The following TMEM87B variants were observed in gnomAD, a reference collection of about 807,000 sequenced individuals.
TMEM87B encodes the protein transmembrane protein 87B.
Under a neutral mutation model 80.3 loss-of-function variants are expected in TMEM87B, and 83 were observed. That is an observed-to-expected ratio of 1.03 (90% CI 0.87 to 1.24). The LOEUF (loss-of-function observed/expected upper bound fraction) is 1.24. TMEM87B is among the 50% of genes most tolerant of loss of function. TMEM87B has a pLI of 0.00. For missense variants in TMEM87B, 625 were observed against 674.4 expected, an observed-to-expected ratio of 0.93 and a Z score of 0.81; for synonymous variants, 219 against 230.5, an observed-to-expected ratio of 0.95 and a Z score of 0.45.
In TMEM87B at chr2:112,081,464, G is replaced by GA. The variant is rs1321207151; in HGVS notation, c.789dup (p.Ala264SerfsTer5). On this transcript the variant is annotated frameshift_variant, in exon 8 of 19. Coordinates refer to ENST00000283206, the MANE Select transcript of TMEM87B (RefSeq NM_032824.3). LOFTEE classifies it high-confidence loss of function. ...AGCTGTTATTTTTTTGGGAATGCTT[G>GA]AAAAAGCAGTTTTTTATAGTGAATA... The GA allele has an allele frequency of 6.2e-7, 1 of 1,612,868 alleles. No homozygotes were observed. The highest frequency in any genetic ancestry group is 2.2e-5 in the East Asian group (1 of 44,866).
At chr2:112,108,806 C>T (rs1333145420) in intron 17 of TMEM87B, among the ~76,000 whole-genome samples, 1 of 152,058 alleles carries the variant, frequency 6.6e-6, no homozygotes, top group East Asian at 1.9e-4. Flanking sequence ...CATATATTTT[C>T]ATTTCTCTTG....
intron 2 of TMEM87B, among the ~76,000 whole-genome samples, chr2:112,063,032 C>T (rs2104455437): frequency 6.6e-6 from 1 of 152,294 alleles, no homozygotes; most frequent in South Asian, 2.1e-4. Context: ...ATCTACCAGC[C>T]TCAGTTTGTT....
chr2:112,095,190 TTTTTTTTTTTTTTTTTTTTTTTG>T (rs1679428916), intron 11 of TMEM87B: 3 of 660,080 alleles, frequency 4.5e-6, no homozygotes, highest in Admixed American at 3.3e-4. Flanking sequence ...TTTTTTTTTT[TTTTTTTTTTTTTTTTTTTTTTTG>T]CTGTTTTGCT....
In TMEM87B at chr2:112,097,731, A is replaced by C. The variant is rs945740300; in HGVS notation, c.1272+440A>C. Among the ~76,000 whole-genome samples, 28 of 151,808 alleles carry C rather than the reference A, an allele frequency of 1.8e-4. No individual in the cohort carries two copies. The East Asian group carries it at 3.3e-3, about 18-fold the overall frequency. On this transcript the variant is annotated intron_variant, in intron 13 of 18. Coordinates refer to ENST00000283206, the MANE Select transcript of TMEM87B (RefSeq NM_032824.3). The stretch of plus-strand genomic sequence containing the variant: ...CCATCTCAAAAAAAAAAAAAAAAAA[A>C]AAAAAACTTTTAACTCCTCCAAGTG...
intron 4 of TMEM87B, among the ~76,000 whole-genome samples, chr2:112,069,548 T>G (rs1678562285): frequency 2.0e-5 from 3 of 152,254 alleles, no homozygotes; most frequent in African/African-American, 7.2e-5. Context: ...GTACCACATT[T>G]TCTTTATCCA....
chr2:112,073,953 T>A (rs1481192222), intron 4 of TMEM87B, among the ~76,000 whole-genome samples: 1 of 152,234 alleles, frequency 6.6e-6, no homozygotes, highest in Admixed American at 6.5e-5. Flanking sequence ...TTGGTAGATT[T>A]TTCTCCAACC....
At chr2:112,110,085 T>A (rs1380098319) in intron 17 of TMEM87B, among the ~76,000 whole-genome samples, 1 of 152,138 alleles carries the variant, frequency 6.6e-6, no homozygotes, top group Admixed American at 6.5e-5. Context: ...TTTTTGACAT[T>A]TTGGTCCAGG....
chr2:112,100,817 T>A, intron 15 of TMEM87B, 122 bp downstream of exon 15: 1 of 561,126 alleles, frequency 1.8e-6, no homozygotes, highest in Non-Finnish European at 3.0e-6. Flanking sequence ...TAAAAACTTT[T>A]ATCTTCAGAA....
chr2:112,098,472 T>C (rs1320282601), intron 13 of TMEM87B, 123 bp from the exon 14 acceptor site: 1 of 834,362 alleles, frequency 1.2e-6, no homozygotes, highest in Non-Finnish European at 1.9e-6. Context: ...TGTGCTTGTT[T>C]ATTTGGAAGA....
intron 4 of TMEM87B, among the ~76,000 whole-genome samples, chr2:112,073,120 G>A (rs1234981009): frequency 6.6e-6 from 1 of 151,820 alleles, no homozygotes; most frequent in East Asian, 1.9e-4. Flanking sequence ...GGCTGGTCTC[G>A]AACTCGTGAC....
intron 16 of TMEM87B, among the ~76,000 whole-genome samples, chr2:112,107,215 G>A (rs1573727626): frequency 1.3e-5 from 2 of 151,976 alleles, no homozygotes; most frequent in African/African-American, 2.4e-5. Context: ...AAAAGTAGGC[G>A]GATGTGGTGG....
At chr2:112,086,987 CTCT>C (rs1679164009) in intron 9 of TMEM87B, among the ~76,000 whole-genome samples, 1 of 152,194 alleles carries the variant, frequency 6.6e-6, no homozygotes, top group Non-Finnish European at 1.5e-5. Flanking sequence ...TGTCAACCTC[CTCT>C]GTTTCCTGTT....
chr2:112,059,515 T>C lies in TMEM87B; in HGVS notation c.166-462T>C, dbSNP rs1241526222. 1.3e-5 allele frequency among the ~76,000 whole-genome samples: 2 copies of C among 151,964 alleles called. 1 individual carries two copies. Among genetic ancestry groups the C allele is most frequent in the Admixed American group, 1.3e-4 (2 of 15,238 alleles). ...TTTCTGGAACTGGAAAGTTGAGAGG[T>C]GGGCAGGACTTGATTATTCACGTCC... On this transcript the variant is annotated intron_variant, in intron 1 of 18. Transcript: ENST00000283206.
At chr2:112,112,873 T>G (rs1273336352) in intron 17 of TMEM87B, 26 bp from the exon 18 acceptor site, 3 of 1,610,612 alleles carry the variant, frequency 1.9e-6, no homozygotes, top group African/African-American at 2.7e-5. Flanking sequence ...AACAACATTA[T>G]CACCTTTTTT....
chr2:112,098,684 A>G lies in TMEM87B; in HGVS notation c.1362A>G (p.Ser454=), dbSNP rs1476233318. ...TAATCATGTTTTTGTGGAGACCATCAGCAAACAATCAGAGGTACCTAACAT... is the reference window on the plus strand; with the variant it reads ...TAATCATGTTTTTGTGGAGACCATCGGCAAACAATCAGAGGTACCTAACAT... ...LIVIMFLWRP[S]ANNQRYAFMP... Residue 454 remains serine (S), a synonymous_variant, in exon 14 of 19, where the codon TCA becomes TCG. Coordinates refer to ENST00000283206, the MANE Select transcript of TMEM87B (RefSeq NM_032824.3). 3 of 1,614,002 alleles carry G rather than the reference A, an allele frequency of 1.9e-6. No homozygotes were observed. Among genetic ancestry groups the G allele is most frequent in the Non-Finnish European group, 2.5e-6 (3 of 1,180,004 alleles).
At chr2:112,078,703 C>T (rs1315221811) in intron 6 of TMEM87B, among the ~76,000 whole-genome samples, 1 of 152,212 alleles carries the variant, frequency 6.6e-6, no homozygotes, top group African/African-American at 2.4e-5. Flanking sequence ...TAATTAGTAG[C>T]TGGAGCTGTC....
chr2:112,066,874 A>G, intron 3 of TMEM87B, 62 bp from the exon 4 acceptor site: 3 of 1,411,540 alleles, frequency 2.1e-6, no homozygotes, highest in Non-Finnish European at 1.9e-6. Context: ...ATTAACTTTT[A>G]TTTATATTCT....
rs1270761973 is a variant in TMEM87B, at chr2:112,064,185, C to A, written c.250C>A (p.Pro84Thr). Residue 84 changes from proline (P) to threonine (T), a missense_variant, in exon 3 of 19, where the codon CCT (proline) becomes ACT (threonine). Pro to Thr is a conservative substitution (Grantham distance 38). Transcript: ENST00000283206. Reference sequence around the variant, plus strand: ...AGTTAAGTCATTCCATTGTTCTGGGCCTGTGAAGTTTACCATAGTGTGGCA... The same window carrying A: ...AGTTAAGTCATTCCATTGTTCTGGGACTGTGAAGTTTACCATAGTGTGGCA... ...LSVKSFHCSG[P>T]VKFTIVWHLK... 1 of 1,613,628 alleles carries A rather than the reference C, an allele frequency of 6.2e-7. No individual in the cohort carries two copies. The highest frequency in any genetic ancestry group is 8.5e-7 in the Non-Finnish European group (1 of 1,179,786).
Position 112,119,000 on chromosome 2 carries a change from G to T in TMEM87B, c.*2857G>T, listed in dbSNP as rs1680093650. ...GTTTAACATATTGGTTAATATACTG[G>T]TTAATATACTGGTTAAACATATTGA... is the stretch of plus-strand genomic sequence containing the variant. On this transcript the variant is annotated 3_prime_UTR_variant, in exon 19 of 19. Transcript: ENST00000283206. The T allele has an allele frequency of 6.6e-6, 1 of 152,052 alleles. No homozygotes were observed. Among genetic ancestry groups the T allele is most frequent in the Non-Finnish European group, 1.5e-5 (1 of 68,010 alleles). The allele number at this position is 152,052 out of a possible 1,614,324, so 9.4% of individuals were successfully genotyped here. A position where few individuals can be genotyped will look rare whatever the true frequency, so the allele number is the denominator to read the frequency against.
Sources: gnomAD v4.1 joint callset for allele counts (sites outside exome capture counted in the v4.1 genomes callset) on GRCh38, gnomAD v4.1.1 for gene constraint, MANE v1.5 for transcripts, NCBI Gene and HGNC (gene_info 2026-07-23, HGNC 2026-07-21) for gene names.